Variants in IGF1R observed in about 807,000 individuals in gnomAD.
The protein encoded by IGF1R is insulin-like growth factor 1 receptor.
In IGF1R, 44 loss-of-function variants were observed where a neutral mutation model predicts 144.6. The observed-to-expected ratio is 0.30, with a 90% confidence interval of 0.24 to 0.39. The LOEUF (loss-of-function observed/expected upper bound fraction) is 0.39. Ranked by LOEUF, IGF1R falls within the 10% of genes least tolerant of loss-of-function variation. The pLI, the probability that IGF1R is intolerant of heterozygous loss-of-function variation, is 1.00. For missense variants in IGF1R, 1,355 were observed against 1,833.7 expected (o/e 0.74, Z 4.77); for synonymous variants, 795 against 722.8 (o/e 1.10, Z -1.60).
intron 2 of IGF1R, among the ~76,000 whole-genome samples, chr15:98,772,895 T>G (rs2055623669): frequency 6.6e-6 from 1 of 152,166 alleles, no homozygotes; most frequent in South Asian, 2.1e-4. Flanking sequence ...GAAGGGTAAG[T>G]GGTTAGAATC....
rs1271390409 is a variant in IGF1R at position 98,707,372 on chromosome 15, A to G, written c.95-190A>G. On this transcript the variant is annotated intron_variant, in intron 1 of 20. Coordinates refer to ENST00000650285, the MANE Select transcript of IGF1R (RefSeq NM_000875.5). The surrounding 1 kb of genome is among the most constrained non-coding windows in gnomAD (Gnocchi z 6.7). ...GCGTCTGGTCCAGTGTTGGCACTGT[A>G]TAAATGCCAGCTAACTGGTTAGCCA... Among the ~76,000 whole-genome samples, 2 of 152,202 alleles carry G rather than the reference A, an allele frequency of 1.3e-5. No homozygotes were observed. The highest frequency in any genetic ancestry group is 2.9e-5 in the Non-Finnish European group (2 of 68,034).
intron 2 of IGF1R, among the ~76,000 whole-genome samples, chr15:98,761,804 G>A (rs1177038619): frequency 6.6e-6 from 1 of 150,854 alleles, no homozygotes; most frequent in Non-Finnish European, 1.5e-5. Context: ...CCTCCATGAT[G>A]GAATATTGGT....
intron 1 of IGF1R, among the ~76,000 whole-genome samples, chr15:98,697,640 C>G (rs922404361): frequency 1.4e-5 from 2 of 145,412 alleles, no homozygotes; most frequent in East Asian, 4.1e-4. Flanking sequence ...GCTGTGTGGT[C>G]TCCCCTCAGC....
In IGF1R at chr15:98,714,209, G is replaced by A. The variant is rs147168318; in HGVS notation, c.640+6102G>A. Reference sequence around the variant, plus strand: ...AAAGTCTACATTTTTCCACCGCCACGTTCTTATATCCTTGTTTGTCAGCCA... The same window carrying A: ...AAAGTCTACATTTTTCCACCGCCACATTCTTATATCCTTGTTTGTCAGCCA... On this transcript the variant is annotated intron_variant, in intron 2 of 20. Transcript: ENST00000650285. Among the ~76,000 whole-genome samples the A allele has an allele frequency of 1.0e-2, 1,516 of 151,960 alleles. 28 individuals are homozygous for A. The highest frequency in any genetic ancestry group is 0.034 in the African/African-American group (1,425 of 41,452).
chr15:98,875,552 T>TA (rs2013020215), intron 2 of IGF1R, among the ~76,000 whole-genome samples: 1 of 152,168 alleles, frequency 6.6e-6, no homozygotes, highest in Non-Finnish European at 1.5e-5. Flanking sequence ...TGAACTTTTT[T>TA]TTTTTTTGAG....
intron 2 of IGF1R, among the ~76,000 whole-genome samples, chr15:98,858,262 G>C (rs942703765): frequency 6.6e-6 from 1 of 152,154 alleles, no homozygotes; most frequent in East Asian, 1.9e-4. Flanking sequence ...TTTATTTCTT[G>C]TTTTGGTTCA....
At position 98,916,663 on chromosome 15, in the gene IGF1R, T is replaced by A; in HGVS notation, c.1997-9T>A. On this transcript the variant is annotated splice_polypyrimidine_tract_variant and intron_variant, in intron 9 of 20. Transcript: ENST00000650285. ...CCCACTCTTGTTTTGGCTTTTCTTT[T>A]CCGAGAAGACAAAATCCCCATCAGG... 6.2e-7 allele frequency: 1 copy of A among 1,613,672 alleles called. No homozygotes were observed. The highest frequency in any genetic ancestry group is 8.5e-7 in the Non-Finnish European group (1 of 1,179,646).
intron 4 of IGF1R, among the ~76,000 whole-genome samples, chr15:98,898,603 T>C (rs2014320155): frequency 6.6e-6 from 1 of 152,254 alleles, no homozygotes; most frequent in South Asian, 2.1e-4. Flanking sequence ...CTTTATCCTT[T>C]AGTACCCTTA....
Position 98,935,116 on chromosome 15 carries a change from C to T in IGF1R, c.3186+63C>T. 8 of 1,369,480 alleles carry T rather than the reference C, an allele frequency of 5.8e-6. No homozygotes were observed. Among genetic ancestry groups the T allele is most frequent in the Non-Finnish European group, 7.3e-6 (7 of 962,150 alleles). 84.8% of individuals were successfully genotyped at this position (1,369,480 alleles called of 1,614,324 possible). On this transcript the variant is annotated intron_variant, in intron 16 of 20. Transcript: ENST00000650285. This position sits in a 1 kb window ranked among gnomAD's most constrained non-coding sequence, Gnocchi z 4.2. ...GGGAGAGGGTATCACACAAGCCTCC[C>T]AGTATGTTCTTGGCTGCATGTACCC... is the stretch of plus-strand genomic sequence containing the variant.
intron 2 of IGF1R, among the ~76,000 whole-genome samples, chr15:98,786,100 G>A (rs1277514935): frequency 6.6e-6 from 1 of 152,194 alleles, no homozygotes; most frequent in African/African-American, 2.4e-5. Context: ...AGGCTTCAGC[G>A]AGTACAGCCT....
At chr15:98,833,248 AG>A (rs2057033632) in intron 2 of IGF1R, among the ~76,000 whole-genome samples, 1 of 152,176 alleles carries the variant, frequency 6.6e-6, no homozygotes, top group Admixed American at 6.5e-5. Context: ...TGCCAAACAA[AG>A]GGTTTGGAAC....
chr15:98,792,071 A>T (rs149437410), intron 2 of IGF1R, among the ~76,000 whole-genome samples: 3 of 152,126 alleles, frequency 2.0e-5, no homozygotes, highest in Non-Finnish European at 2.9e-5. Flanking sequence ...TTCCTTCCCT[A>T]TTACCCTATA....
At chr15:98,821,636 C>T (rs1329672375) in intron 2 of IGF1R, among the ~76,000 whole-genome samples, 2 of 152,076 alleles carry the variant, frequency 1.3e-5, no homozygotes, top group African/African-American at 2.4e-5. Context: ...ATGATGAAAC[C>T]AAGGCAGAGA....
intron 1 of IGF1R, among the ~76,000 whole-genome samples, chr15:98,675,826 C>CTTTTTTTTTTTTTTTTTTTTTTTTT (rs869068918): frequency 2.2e-5 from 1 of 46,150 alleles, no homozygotes; most frequent in African/African-American, 4.8e-5. Flanking sequence ...TTCTTTCTTT[C>CTTTTTTTTTTTTTTTTTTTTTTTTT]TTTTTTTTTT....
intron 2 of IGF1R, among the ~76,000 whole-genome samples, chr15:98,872,260 A>C (rs1419659502): frequency 2.6e-5 from 4 of 152,226 alleles, no homozygotes; most frequent in African/African-American, 4.8e-5. Context: ...ATCTTGTCTT[A>C]TGATTTTTTT....
intron 1 of IGF1R, among the ~76,000 whole-genome samples, chr15:98,706,562 C>G (rs1253329680): frequency 1.3e-5 from 2 of 149,948 alleles, no homozygotes; most frequent in Non-Finnish European, 3.0e-5. Flanking sequence ...AGGAGCTAAC[C>G]TAAATGTCCA....
At chr15:98,800,600 A>G (rs941340767) in intron 2 of IGF1R, among the ~76,000 whole-genome samples, 1 of 152,204 alleles carries the variant, frequency 6.6e-6, no homozygotes, top group Non-Finnish European at 1.5e-5. Flanking sequence ...TAGAACCGCC[A>G]CTGAACAGCT....
At chr15:98,879,681 C>T (rs2013268619) in intron 2 of IGF1R, among the ~76,000 whole-genome samples, 1 of 152,108 alleles carries the variant, frequency 6.6e-6, no homozygotes, top group African/African-American at 2.4e-5. Context: ...CTCTCTCCAC[C>T]AACCTGTGAC....
intron 11 of IGF1R, 127 bp downstream of exon 11, chr15:98,922,558 A>G: frequency 8.9e-7 from 1 of 1,129,796 alleles, no homozygotes. Context: ...CTGCTAAATA[A>G]CGTGCAGTCA....
Sources: allele counts gnomAD v4.1 joint callset (sites outside exome capture counted in the v4.1 genomes callset), GRCh38; gene constraint gnomAD v4.1.1; non-coding constraint Gnocchi (gnomAD v3.1); transcripts MANE v1.5; gene names NCBI Gene and HGNC (gene_info 2026-07-23, HGNC 2026-07-21).